The following SRGAP3 variants were observed in gnomAD, a reference collection of about 807,000 sequenced individuals.
SRGAP3 encodes SLIT-ROBO Rho GTPase activating protein 3.
A neutral mutation model predicts 121.1 loss-of-function variants in SRGAP3; 39 were observed. That is an observed-to-expected ratio of 0.32 (90% confidence interval 0.25 to 0.42). The LOEUF (loss-of-function observed/expected upper bound fraction) is 0.42. Ranked by LOEUF, SRGAP3 falls within the 10% of genes least tolerant of loss-of-function variation. SRGAP3 has a pLI of 1.00. For missense variants in SRGAP3, 1,213 were observed against 1,470.6 expected (o/e 0.82, Z 2.86); for synonymous variants, 601 against 570.0 (o/e 1.05, Z -0.77).
At chr3:9,147,202 CA>C (rs1950053923) in intron 1 of SRGAP3, among the ~76,000 whole-genome samples, 2 of 152,148 alleles carry the variant, frequency 1.3e-5, no homozygotes, top group Non-Finnish European at 2.9e-5. Flanking sequence ...GAAGTAAACA[CA>C]AAACAAGAGG....
At chr3:9,077,223 C>T (rs750737488) in intron 4 of SRGAP3, among the ~76,000 whole-genome samples, 14 of 146,954 alleles carry the variant, frequency 9.5e-5, no homozygotes, top group Non-Finnish European at 1.9e-4. Context: ...TTCATGTATT[C>T]ATCCCTCCCT....
intron 18 of SRGAP3, among the ~76,000 whole-genome samples, chr3:9,001,447 C>T (rs1291533255): frequency 2.6e-5 from 4 of 152,106 alleles, no homozygotes; most frequent in East Asian, 3.9e-4. Flanking sequence ...AGTTTAAATG[C>T]TATATTAGAA....
intron 1 of SRGAP3, among the ~76,000 whole-genome samples, chr3:9,244,407 C>A (rs2125241755): frequency 6.6e-6 from 1 of 150,740 alleles, no homozygotes; most frequent in South Asian, 2.1e-4. Flanking sequence ...AACCTCTAGA[C>A]TTTTGCTACT....
chr3:9,120,628 C>T (rs900561345), intron 2 of SRGAP3, among the ~76,000 whole-genome samples: 1 of 152,212 alleles, frequency 6.6e-6, no homozygotes, highest in Non-Finnish European at 1.5e-5. Flanking sequence ...AAGTAAGCAG[C>T]TCAGCTTTTC....
At position 9,109,992 on chromosome 3, in the gene SRGAP3, G is replaced by A. The variant is rs1948557268; in HGVS notation, c.261-5150C>T. On this transcript the variant is annotated intron_variant, in intron 2 of 21. Transcript: ENST00000383836. This position sits in a 1 kb window ranked among gnomAD's most constrained non-coding sequence, Gnocchi z 4.4. ...GCCTTTAACTCTCATTAGAGTTCAA[G>A]CTCCGTCCTGAGGTCAGCAGGCAGA... Among the ~76,000 whole-genome samples, 1 of 152,156 alleles carries A rather than the reference G, an allele frequency of 6.6e-6. No individual in the cohort carries two copies. The highest frequency in any genetic ancestry group is 6.5e-5 in the Admixed American group (1 of 15,274).
intron 1 of SRGAP3, among the ~76,000 whole-genome samples, chr3:9,174,762 T>C (rs1247324861): frequency 6.6e-6 from 1 of 152,168 alleles, no homozygotes. Flanking sequence ...GGGACTCCCA[T>C]TTGCAAAGTT....
rs1274332060 is a variant in SRGAP3, at chr3:9,326,862, CAA to C, written n.284-696_284-695del. On this transcript the variant is annotated intron_variant and non_coding_transcript_variant, in intron 2 of 3. Transcript: ENST00000490889. Reference sequence around the variant, plus strand: ...CATTCATTTCACCAAAATGATAAGTCAAAAATTTTCTAAAGGAAGAAACATTA... The same window carrying C: ...CATTCATTTCACCAAAATGATAAGTCAAATTTTCTAAAGGAAGAAACATTA... Among the ~76,000 whole-genome samples, 3 of 151,672 alleles carry C rather than the reference CAA, an allele frequency of 2.0e-5. No individual in the cohort carries two copies. In the Middle Eastern group the frequency reaches 9.5e-3, roughly 480 times the overall value.
At chr3:9,001,598 A>C (rs1942773238) in intron 18 of SRGAP3, among the ~76,000 whole-genome samples, 1 of 152,238 alleles carries the variant, frequency 6.6e-6, no homozygotes, top group Non-Finnish European at 1.5e-5. Context: ...TGGTAATATC[A>C]AATGTGAATG....
intron 1 of SRGAP3, among the ~76,000 whole-genome samples, chr3:9,204,131 A>G (rs1184739637): frequency 6.6e-6 from 1 of 152,216 alleles, no homozygotes; most frequent in Non-Finnish European, 1.5e-5. Flanking sequence ...TGAAACCATC[A>G]AACACCGGGA....
At chr3:9,274,668 A>G (rs1051785672) in intron 3 of SRGAP3, among the ~76,000 whole-genome samples, 1 of 152,230 alleles carries the variant, frequency 6.6e-6, no homozygotes, top group Non-Finnish European at 1.5e-5. Context: ...ATGAGGTTGC[A>G]CAAACAAATT....
Position 9,013,469 on chromosome 3 carries a change from G to C in SRGAP3, c.1986C>G (p.Thr662=), listed in dbSNP as rs1943472410. 1 of 1,614,074 alleles carries C rather than the reference G, an allele frequency of 6.2e-7. No individual in the cohort carries two copies. The part of the protein sequence containing the change: ...PYNLAICFGP[T]LMHIPDGQDP... The stretch of plus-strand genomic sequence containing the variant: ...CCTGCCCATCAGGGATGTGCATGAG[G>C]GTAGGCCCGAAGCAGATGGCCAGGT... The change falls in exon 17 of 22, where the codon ACC becomes ACG. Residue 662 remains threonine, a synonymous_variant. Coordinates refer to ENST00000383836, the MANE Select transcript of SRGAP3 (RefSeq NM_014850.4).
intron 3 of SRGAP3, among the ~76,000 whole-genome samples, chr3:9,090,246 C>T (rs1947695536): frequency 6.6e-6 from 1 of 152,116 alleles, no homozygotes; most frequent in African/African-American, 2.4e-5. Flanking sequence ...CCCTAAAGAC[C>T]AGATCCCTGG....
At chr3:9,181,212 G>A (rs960913851) in intron 1 of SRGAP3, among the ~76,000 whole-genome samples, 9 of 152,198 alleles carry the variant, frequency 5.9e-5, no homozygotes, top group Non-Finnish European at 1.0e-4. Context: ...TGCTGCACAG[G>A]TGGGTGGCAT....
rs1250146777 is a variant in SRGAP3 at position 8,983,804 on chromosome 3, A to G, written c.*1715T>C. The G allele has an allele frequency of 8.7e-6, 2 of 230,240 alleles. No individual in the cohort carries two copies. Among genetic ancestry groups the G allele is most frequent in the Admixed American group, 1.1e-4 (2 of 17,676 alleles). The allele number at this position is 230,240 out of a possible 1,614,324, so 14.3% of individuals were successfully genotyped here. A position where few individuals can be genotyped will look rare whatever the true frequency, so the allele number is the denominator to read the frequency against. ...TTATGGAGCAGAACAGTCAGGCTCA[A>G]TGAGGTGGAGTGACAAACCCTAAGT... On this transcript the variant is annotated 3_prime_UTR_variant, in exon 22 of 22. Coordinates refer to ENST00000383836, the MANE Select transcript of SRGAP3 (RefSeq NM_014850.4).
At chr3:8,988,481 G>T (rs984611616) in intron 21 of SRGAP3, among the ~76,000 whole-genome samples, 2 of 152,142 alleles carry the variant, frequency 1.3e-5, no homozygotes, top group African/African-American at 4.8e-5. Flanking sequence ...GTGAAAGGGG[G>T]TCTTGGATGG....
Position 8,985,728 on chromosome 3 carries a change from AGCT to A in SRGAP3, c.3088_3090del (p.Ser1032del). 1 of 1,589,252 alleles carries A rather than the reference AGCT, an allele frequency of 6.3e-7. No individual in the cohort carries two copies. Among genetic ancestry groups the A allele is most frequent in the African/African-American group, 1.4e-5 (1 of 71,710 alleles). On this transcript the variant is annotated inframe_deletion, in exon 22 of 22. Coordinates refer to ENST00000383836, the MANE Select transcript of SRGAP3 (RefSeq NM_014850.4). This position sits in a 1 kb window ranked among gnomAD's most constrained non-coding sequence, Gnocchi z 5.1. ...AAGGTGGTCATCATCTCGGTGGAGG[AGCT>A]GCTGCTGCGGCGCATGGCGGCATCG...
chr3:9,054,987 C>T (rs1945750618), intron 8 of SRGAP3, among the ~76,000 whole-genome samples: 1 of 152,152 alleles, frequency 6.6e-6, no homozygotes, highest in Non-Finnish European at 1.5e-5. Context: ...TTTCTTTGGC[C>T]CTGATTTCCA....
At chr3:9,221,139 G>A (rs1244072096) in intron 1 of SRGAP3, among the ~76,000 whole-genome samples, 2 of 152,196 alleles carry the variant, frequency 1.3e-5, no homozygotes, top group African/African-American at 4.8e-5. Context: ...AGGAACAGCA[G>A]TTCCAACTTC....
intron 1 of SRGAP3, among the ~76,000 whole-genome samples, chr3:9,169,734 G>C (rs1476183540): frequency 6.6e-6 from 1 of 152,212 alleles, no homozygotes; most frequent in Non-Finnish European, 1.5e-5. Flanking sequence ...CATTTCTCAG[G>C]TTACTCCAGG....
Sources: gnomAD v4.1 joint callset for allele counts (sites outside exome capture counted in the v4.1 genomes callset) on GRCh38, gnomAD v4.1.1 for gene constraint, Gnocchi (gnomAD v3.1) non-coding constraint, MANE v1.5 for transcripts, NCBI Gene and HGNC (gene_info 2026-07-23, HGNC 2026-07-21) for gene names.